P2RY6: variants seen among roughly 807,000 people sequenced by gnomAD.
P2RY6 encodes pyrimidinergic receptor P2Y6.
A neutral mutation model predicts 16.3 loss-of-function variants in P2RY6; 19 were observed. The ratio of observed to expected loss-of-function variants is 1.16; its 90% confidence interval spans 0.81 to 1.71. The LOEUF is 1.71. P2RY6 is among the 40% of genes most tolerant of loss of function. The probability of loss-of-function intolerance (pLI) is 0.00; values close to 1 mark genes in which losing one functional copy is unlikely to be tolerated. For synonymous variants in P2RY6, 184 were observed against 201.5 expected (o/e 0.91, Z 0.74); for missense variants, 389 against 455.5 (o/e 0.85, Z 1.33).
intron 1 of P2RY6, among the ~76,000 whole-genome samples, chr11:73,292,476 G>A (rs1864297367): frequency 6.6e-6 from 1 of 152,210 alleles, no homozygotes; most frequent in Non-Finnish European, 1.5e-5. Flanking sequence ...TAAAGGAGGA[G>A]CCATGAGCTC....
chr11:73,265,842 A>T (rs1430715240), intron 1 of P2RY6, among the ~76,000 whole-genome samples: 1 of 152,212 alleles, frequency 6.6e-6, no homozygotes, highest in African/African-American at 2.4e-5. Context: ...AGGCTTCAAA[A>T]GGGCTCTGGC....
chr11:73,278,608 G>GGA (rs1439217057), intron 1 of P2RY6, among the ~76,000 whole-genome samples: 1 of 152,120 alleles, frequency 6.6e-6, no homozygotes, highest in Non-Finnish European at 1.5e-5. Context: ...TTATATAAGT[G>GGA]GAATCATACA....
At chr11:73,265,396 A>G (rs1169254337) in intron 1 of P2RY6, 3 of 152,210 alleles carry the variant, frequency 2.0e-5, no homozygotes, top group Non-Finnish European at 4.4e-5. Context: ...GCATTCTTCT[A>G]TAATATTTCT....
In P2RY6 at chr11:73,296,930, CGTG is replaced by C; in HGVS notation, c.414_416del (p.Gly140del). On this transcript the variant is annotated inframe_deletion, in exon 3 of 3. Coordinates refer to ENST00000540124, the MANE Select transcript of P2RY6 (RefSeq NM_001277204.2). ...CCACCCGCTGGCCCCCTGGCACAAA[CGTG>C]GGGGCCGCCGGGCTGCCTGGCTAGT... 6.2e-7 allele frequency: 1 copy of C among 1,607,440 alleles called. No individual in the cohort carries two copies. Among genetic ancestry groups the C allele is most frequent in the Non-Finnish European group, 8.5e-7 (1 of 1,179,982 alleles).
At chr11:73,273,638 G>T (rs1407236654) in intron 1 of P2RY6, among the ~76,000 whole-genome samples, 1 of 152,112 alleles carries the variant, frequency 6.6e-6, no homozygotes, top group Non-Finnish European at 1.5e-5. Context: ...TCGTTTCTGA[G>T]CCTGCCGACT....
chr11:73,295,260 T>A (rs1864424154), intron 1 of P2RY6, among the ~76,000 whole-genome samples: 1 of 152,204 alleles, frequency 6.6e-6, no homozygotes, highest in Non-Finnish European at 1.5e-5. Context: ...GGACAAGATG[T>A]AGAATGCAAT....
intron 1 of P2RY6, among the ~76,000 whole-genome samples, chr11:73,265,741 C>A (rs1041893400): frequency 6.6e-6 from 1 of 152,172 alleles, no homozygotes; most frequent in Non-Finnish European, 1.5e-5. Context: ...GAAGGGGGTT[C>A]CCCTAGCAGG....
chr11:73,290,650 G>A (rs1011113485), intron 1 of P2RY6, among the ~76,000 whole-genome samples: 6 of 152,264 alleles, frequency 3.9e-5, no homozygotes, highest in South Asian at 2.1e-4. Flanking sequence ...TCCTGTCTGC[G>A]ATGCCCTCTT....
chr11:73,292,608 C>T (rs1395685066), intron 1 of P2RY6, among the ~76,000 whole-genome samples: 1 of 152,214 alleles, frequency 6.6e-6, no homozygotes, highest in Non-Finnish European at 1.5e-5. Flanking sequence ...CTCCTCTGCC[C>T]CCATCCCCCT....
intron 1 of P2RY6, among the ~76,000 whole-genome samples, chr11:73,266,196 G>T (rs2135674173): frequency 6.6e-6 from 1 of 152,296 alleles, no homozygotes; most frequent in East Asian, 1.9e-4. Flanking sequence ...CTGAATCCTT[G>T]TTGAATTCTC....
chr11:73,279,276 T>C (rs1863663110), intron 1 of P2RY6, among the ~76,000 whole-genome samples: 1 of 152,228 alleles, frequency 6.6e-6, no homozygotes, highest in African/African-American at 2.4e-5. Context: ...ATTAATACCT[T>C]ATCAGACATA....
chr11:73,265,638 G>A (rs1307977569), intron 1 of P2RY6, among the ~76,000 whole-genome samples: 1 of 152,068 alleles, frequency 6.6e-6, no homozygotes, highest in African/African-American at 2.4e-5. Context: ...GGAGAGCTGG[G>A]CTTCTGAGGA....
At chr11:73,277,526 C>T (rs1309490553) in intron 1 of P2RY6, among the ~76,000 whole-genome samples, 1 of 152,200 alleles carries the variant, frequency 6.6e-6, no homozygotes, top group Non-Finnish European at 1.5e-5. Context: ...TGGCAGAAGA[C>T]GCAAGACTTC....
intron 1 of P2RY6, among the ~76,000 whole-genome samples, chr11:73,276,380 G>T (rs866480334): frequency 6.6e-6 from 1 of 152,136 alleles, no homozygotes; most frequent in Non-Finnish European, 1.5e-5. Context: ...AGGTGTATAC[G>T]CAAGGAAATT....
At chr11:73,268,773 GTT>G (rs1036188956), upstream of P2RY6, among the ~76,000 whole-genome samples, 2 of 152,232 alleles carry the variant, frequency 1.3e-5, no homozygotes, top group African/African-American at 2.4e-5. Context: ...GCAGCCTCCT[GTT>G]TCAGTCAAGA....
chr11:73,277,490 T>C (rs1863586434), intron 1 of P2RY6, among the ~76,000 whole-genome samples: 1 of 152,204 alleles, frequency 6.6e-6, no homozygotes, highest in Admixed American at 6.5e-5. Flanking sequence ...AGCCAATGAG[T>C]TGGCCTGCTA....
At position 73,297,856 on chromosome 11, in the gene P2RY6, G is replaced by A. The variant is rs1043009378; in HGVS notation, c.*351G>A. On this transcript the variant is annotated 3_prime_UTR_variant, in exon 3 of 3. Transcript: ENST00000540124. Reference sequence around the variant, plus strand: ...GTCACCAATGAAGCGGGTGAGGGAAGATGAGAGGGGGAGGTGAGAGCTTCT... The same window carrying A: ...GTCACCAATGAAGCGGGTGAGGGAAAATGAGAGGGGGAGGTGAGAGCTTCT... 7.5e-6 allele frequency: 2 copies of A among 267,566 alleles called. No individual in the cohort carries two copies. Among genetic ancestry groups the A allele is most frequent in the East Asian group, 1.7e-4 (2 of 12,078 alleles). 16.6% of individuals were successfully genotyped at this position (267,566 alleles called of 1,614,324 possible).
rs751116416 is a variant in P2RY6, at chr11:73,297,250, G to A, written c.732G>A (p.Val244=). ...RGKAARMAVV[V]AAAFAISFLP... ...AGGCGGCCCGCATGGCCGTGGTGGT[G>A]GCTGCTGCCTTTGCCATCAGCTTCC... Residue 244 remains valine, a synonymous_variant, in exon 3 of 3, where the codon GTG becomes GTA. Transcript: ENST00000540124. 1.9e-6 allele frequency: 3 copies of A among 1,605,206 alleles called. No homozygotes were observed. Among genetic ancestry groups the A allele is most frequent in the East Asian group, 2.2e-5 (1 of 44,866 alleles).
In P2RY6 at chr11:73,296,876, A is replaced by G. The variant is rs998386335; in HGVS notation, c.358A>G (p.Ile120Val). ...CGGCAGCATCCTCTTCCTCACCTGCATCAGCTTCCAGCGCTACCTGGGCAT... is the reference window on the plus strand; with the variant it reads ...CGGCAGCATCCTCTTCCTCACCTGCGTCAGCTTCCAGCGCTACCTGGGCAT... ...LHGSILFLTC[I>V]SFQRYLGICH... The change falls in exon 3 of 3, where the codon ATC (isoleucine) becomes GTC (valine). Residue 120 changes from isoleucine to valine, a missense_variant. Physicochemically the swap from Ile to Val is conservative, Grantham distance 29. Coordinates refer to ENST00000540124, the MANE Select transcript of P2RY6 (RefSeq NM_001277204.2). 3 of 1,610,664 alleles carry G rather than the reference A, an allele frequency of 1.9e-6. No individual in the cohort carries two copies. Among genetic ancestry groups the G allele is most frequent in the African/African-American group, 1.3e-5 (1 of 75,018 alleles).
Sources: allele counts gnomAD v4.1 joint callset (sites outside exome capture counted in the v4.1 genomes callset), GRCh38; gene constraint gnomAD v4.1.1; transcripts MANE v1.5; gene names NCBI Gene and HGNC (gene_info 2026-07-23, HGNC 2026-07-21).